The following PROM1 variants were observed in gnomAD, a reference collection of about 807,000 sequenced individuals.
PROM1 encodes the protein prominin 1.
A neutral mutation model predicts 116.9 loss-of-function variants in PROM1; 105 were observed. The observed-to-expected ratio is 0.90, with a 90% CI of 0.77 to 1.06. The LOEUF (loss-of-function observed/expected upper bound fraction) is 1.06, where lower values mean the gene tolerates loss of function less well. Ranked by LOEUF, PROM1 falls within the 50% of genes least tolerant of loss-of-function variation. PROM1 has a pLI of 0.00. For synonymous variants in PROM1, 393 were observed against 387.0 expected (o/e 1.02, Z -0.18); for missense variants, 1,122 against 1,045.2 (o/e 1.07, Z -1.01).
chr4:16,075,270 G>A (rs1743712077), intron 2 of PROM1, among the ~76,000 whole-genome samples: 1 of 152,194 alleles, frequency 6.6e-6, no homozygotes, highest in Non-Finnish European at 1.5e-5. Context: ...GTGGGCAGAA[G>A]AGAGTTAAAT....
chr4:16,044,186 C>CA (rs1735995093), intron 2 of PROM1, among the ~76,000 whole-genome samples: 1 of 152,188 alleles, frequency 6.6e-6, no homozygotes, highest in Admixed American at 6.5e-5. Flanking sequence ...TTATGTGAGT[C>CA]AAAACTCATC....
At chr4:15,979,769 C>T in intron 25 of PROM1, 112 bp downstream of exon 25, 1 of 1,079,802 alleles carries the variant, frequency 9.3e-7, no homozygotes. Context: ...TACAGATCTG[C>T]TGTTTCTACA....
intron 22 of PROM1, among the ~76,000 whole-genome samples, chr4:15,984,676 A>G (rs530867082): frequency 2.6e-5 from 4 of 152,282 alleles, no homozygotes; most frequent in African/African-American, 9.6e-5. Flanking sequence ...TTCTCATAGG[A>G]GCATGAACCC....
chr4:15,996,051 G>C lies in PROM1; in HGVS notation c.1683-1980C>G, dbSNP rs142634061. The stretch of plus-strand genomic sequence containing the variant: ...GCTCATAAAATAATAAAAGTAGTTA[G>C]TATGGTACCTAGCTCACAGAGTGGT... On this transcript the variant is annotated intron_variant, in intron 15 of 27. Transcript: ENST00000447510. 5.4e-3 allele frequency among the ~76,000 whole-genome samples: 822 copies of C among 152,318 alleles called. 9 individuals carry two copies. Among genetic ancestry groups the C allele is most frequent in the African/African-American group, 0.019 (786 of 41,578 alleles).
rs189455369 is a variant in PROM1, at chr4:16,030,468, G to C, written c.509+2836C>G. On this transcript the variant is annotated intron_variant, in intron 5 of 27. Coordinates refer to ENST00000447510, the MANE Select transcript of PROM1 (RefSeq NM_006017.3). ...TTAACTGAATGTGTAGGAGGGTATA[G>C]AATCACAGCATGCATTTTTAAAAAG... is the stretch of plus-strand genomic sequence containing the variant. 5.3e-4 allele frequency among the ~76,000 whole-genome samples: 80 copies of C among 152,200 alleles called. 2 individuals carry two copies. Among genetic ancestry groups the C allele is most frequent in the African/African-American group, 1.8e-3 (76 of 41,544 alleles).
intron 6 of PROM1, 124 bp from the exon 7 acceptor site, chr4:16,024,482 C>A: frequency 1.4e-6 from 1 of 735,750 alleles, no homozygotes; most frequent in Non-Finnish European, 2.2e-6. Context: ...CAGCAAGTTC[C>A]TAGAAACCTT....
Position 16,025,293 on chromosome 4 carries a change from A to G in PROM1, c.529T>C (p.Phe177Leu). 6.2e-7 allele frequency: 1 copy of G among 1,613,964 alleles called. No homozygotes were observed. The highest frequency in any genetic ancestry group is 8.5e-7 in the Non-Finnish European group (1 of 1,179,830). The change falls in exon 6 of 28, where the codon TTT becomes CTT. Residue 177 changes from phenylalanine to leucine, a missense_variant. By Grantham distance (22) the Phe-to-Leu change is conservative (BLOSUM62 0). Transcript: ENST00000447510. ...IIISIGIFYGFVANHQVRTRI... is the reference protein window; with the variant it reads ...IIISIGIFYGLVANHQVRTRI... ...GTTCTTACCTGGTGATTTGCCACAAAACCATAGAAGATGCCAATGCTGCAG... is the reference window on the plus strand; with the variant it reads ...GTTCTTACCTGGTGATTTGCCACAAGACCATAGAAGATGCCAATGCTGCAG...
At position 16,030,572 on chromosome 4, in the gene PROM1, G is replaced by A. The variant is rs117753149; in HGVS notation, c.509+2732C>T. Among the ~76,000 whole-genome samples the A allele has an allele frequency of 2.4e-3, 363 of 152,094 alleles. 9 individuals are homozygous for A. In the East Asian group the frequency reaches 0.062, roughly 26 times the overall value. ...TGAGTTCTCAAGAATTAACAAAACG[G>A]TAGCTTTCATTTTATATATAAATGG... On this transcript the variant is annotated intron_variant, in intron 5 of 27. Transcript: ENST00000447510.
intron 2 of PROM1, among the ~76,000 whole-genome samples, chr4:16,051,299 A>C (rs924969304): frequency 6.6e-6 from 1 of 152,246 alleles, no homozygotes; most frequent in African/African-American, 2.4e-5. Context: ...CATAGCAGTT[A>C]GGAGCAGAGA....
intron 14 of PROM1, among the ~76,000 whole-genome samples, chr4:15,999,668 A>G (rs1392053412): frequency 6.6e-6 from 1 of 152,188 alleles, no homozygotes. Flanking sequence ...TTTTATCAAA[A>G]GGCCAAATGG....
chr4:15,992,138 T>G (rs1290805557), intron 17 of PROM1, 110 bp downstream of exon 17: 2 of 1,402,226 alleles, frequency 1.4e-6, no homozygotes, highest in Admixed American at 4.0e-5. Flanking sequence ...TTTAAAATAG[T>G]CTTACATCAT....
At chr4:16,050,321 A>C (rs1737580217) in intron 2 of PROM1, among the ~76,000 whole-genome samples, 1 of 151,064 alleles carries the variant, frequency 6.6e-6, no homozygotes, top group South Asian at 2.1e-4. Flanking sequence ...CTTCAGTTTT[A>C]GAATTCATGT....
At chr4:16,081,760 G>C (rs2149618643) in intron 1 of PROM1, among the ~76,000 whole-genome samples, 1 of 152,298 alleles carries the variant, frequency 6.6e-6, no homozygotes, top group Middle Eastern at 3.4e-3. Flanking sequence ...AAAGTTTTCA[G>C]CTTGTCCTCT....
At chr4:16,013,494 T>TA (rs1227962777) in intron 10 of PROM1, among the ~76,000 whole-genome samples, 156 bp from the exon 11 acceptor site, 4 of 152,172 alleles carry the variant, frequency 2.6e-5, no homozygotes, top group Non-Finnish European at 5.9e-5. Flanking sequence ...ATCAAGAGTC[T>TA]AAAAAAATCC....
intron 1 of PROM1, among the ~76,000 whole-genome samples, chr4:16,078,721 C>T (rs960355300): frequency 7.9e-5 from 12 of 152,186 alleles, no homozygotes; most frequent in Non-Finnish European, 1.6e-4. Context: ...ACATACTTTG[C>T]AAGAAGCCAG....
At chr4:15,992,438 G>T in intron 16 of PROM1, 47 bp from the exon 17 acceptor site, 1 of 1,589,062 alleles carries the variant, frequency 6.3e-7, no homozygotes. Context: ...CTCCAAGAAT[G>T]TCACAAACCA....
Position 16,025,236 on chromosome 4 carries a change from T to C in PROM1, c.586A>G (p.Ser196Gly). The C allele has an allele frequency of 6.2e-7, 1 of 1,613,962 alleles. No individual in the cohort carries two copies. The highest frequency in any genetic ancestry group is 8.5e-7 in the Non-Finnish European group (1 of 1,179,808). Residue 196 changes from serine (S) to glycine (G), a missense_variant, in exon 6 of 28, where the codon AGC becomes GGC. Ser to Gly is a moderately conservative substitution (Grantham distance 56, BLOSUM62 0). Transcript: ENST00000447510. Reference sequence around the variant, plus strand: ...AGAGTTCGCAAGTCCTTGAAATTGCTATCTGCCAGTTTCCGACTCCTTTTG... The same window carrying C: ...AGAGTTCGCAAGTCCTTGAAATTGCCATCTGCCAGTTTCCGACTCCTTTTG... ...RIKRSRKLAD[S>G]NFKDLRTLLN...
intron 9 of PROM1, 67 bp from the exon 10 acceptor site, chr4:16,016,307 G>T: frequency 1.6e-6 from 2 of 1,290,156 alleles, no homozygotes; most frequent in Non-Finnish European, 2.2e-6. Flanking sequence ...CATGAAGAAA[G>T]AAGTCATTGT....
intron 5 of PROM1, among the ~76,000 whole-genome samples, chr4:16,031,257 A>C (rs1316129799): frequency 6.6e-6 from 1 of 152,150 alleles, no homozygotes; most frequent in East Asian, 1.9e-4. Flanking sequence ...TTCACATCCG[A>C]GTCTCATCTT....
Sources: allele counts gnomAD v4.1 joint callset (sites outside exome capture counted in the v4.1 genomes callset), GRCh38; gene constraint gnomAD v4.1.1; transcripts MANE v1.5; gene names NCBI Gene and HGNC (gene_info 2026-07-23, HGNC 2026-07-21).